The following IFT88 variants were observed in gnomAD, a reference collection of about 807,000 sequenced individuals.
IFT88 encodes intraflagellar transport protein 88 homolog.
In IFT88, 74 loss-of-function variants were observed where a neutral mutation model predicts 119.5. That is an observed-to-expected ratio of 0.62 (90% CI 0.51 to 0.75). The LOEUF (loss-of-function observed/expected upper bound fraction) is 0.75, where lower values mean the gene tolerates loss of function less well. IFT88 is among the 30% of genes least tolerant of loss of function. IFT88 has a pLI of 0.00. For missense variants in IFT88, 961 were observed against 977.7 expected (o/e 0.98, Z 0.23); for synonymous variants, 279 against 316.7 (o/e 0.88, Z 1.26).
intron 14 of IFT88, among the ~76,000 whole-genome samples, chr13:20,623,558 T>A (rs2046853500): frequency 6.6e-6 from 1 of 152,146 alleles, no homozygotes; most frequent in Non-Finnish European, 1.5e-5. Context: ...CACTGCAAGC[T>A]CCGCCTCCCG....
chr13:20,660,434 A>G (rs2053596763), intron 22 of IFT88, among the ~76,000 whole-genome samples: 1 of 152,222 alleles, frequency 6.6e-6, no homozygotes, highest in South Asian at 2.1e-4. Context: ...GAAGAATAAT[A>G]CAATTTGACA....
intron 11 of IFT88, among the ~76,000 whole-genome samples, chr13:20,601,223 C>T (rs571815868): frequency 1.5e-4 from 23 of 152,070 alleles, no homozygotes; most frequent in African/African-American, 4.6e-4. Flanking sequence ...AAAATTAGCC[C>T]GGCGTGGTGG....
chr13:20,590,489 C>T (rs907939682), intron 4 of IFT88, among the ~76,000 whole-genome samples: 2 of 152,076 alleles, frequency 1.3e-5, no homozygotes. Context: ...TTATAATGTT[C>T]CTTTATATGA....
At chr13:20,597,615 G>A (rs1036499434) in intron 9 of IFT88, among the ~76,000 whole-genome samples, 9 of 151,772 alleles carry the variant, frequency 5.9e-5, no homozygotes, top group Admixed American at 2.0e-4. Context: ...GTGGTGGCGG[G>A]CGCCTGTAGT....
chr13:20,648,788 A>T (rs915919108), intron 20 of IFT88, among the ~76,000 whole-genome samples: 1 of 152,214 alleles, frequency 6.6e-6, no homozygotes, highest in Non-Finnish European at 1.5e-5. Flanking sequence ...TGCACTTTAG[A>T]TACAAGGACA....
intron 2 of IFT88, among the ~76,000 whole-genome samples, chr13:20,580,831 T>C (rs2038474282): frequency 6.7e-6 from 1 of 150,326 alleles, no homozygotes; most frequent in Non-Finnish European, 1.5e-5. Flanking sequence ...GTTCATGCCA[T>C]TCTCCTGCCT....
chr13:20,668,942 A>G (rs571113194), intron 23 of IFT88, among the ~76,000 whole-genome samples: 1 of 152,338 alleles, frequency 6.6e-6, no homozygotes, highest in Middle Eastern at 3.4e-3. Flanking sequence ...TGCATGGGGC[A>G]CACGGGAGGA....
chr13:20,659,002 C>A (rs1422612024), intron 22 of IFT88, among the ~76,000 whole-genome samples: 1 of 152,140 alleles, frequency 6.6e-6, no homozygotes, highest in Non-Finnish European at 1.5e-5. Flanking sequence ...AATAGTCTAC[C>A]TTAACTGTAG....
chr13:20,634,909 A>G (rs1368971334), intron 16 of IFT88, among the ~76,000 whole-genome samples: 1 of 150,344 alleles, frequency 6.7e-6, no homozygotes, highest in African/African-American at 2.4e-5. Context: ...TTAACTCTTC[A>G]TTTAACATTA....
At chr13:20,599,308 CTG>C (rs2042237826) in intron 10 of IFT88, 141 bp from the exon 11 acceptor site, 1 of 485,514 alleles carries the variant, frequency 2.1e-6, no homozygotes, top group Non-Finnish European at 3.6e-6. Context: ...AAAAGTATAA[CTG>C]TTTTAAAGTT....
At chr13:20,600,223 C>G (rs942868232) in intron 11 of IFT88, among the ~76,000 whole-genome samples, 1 of 151,960 alleles carries the variant, frequency 6.6e-6, no homozygotes, top group African/African-American at 2.4e-5. Context: ...TTACAGAACA[C>G]AATGCCCTTG....
chr13:20,685,250 G>A (rs1172364063), intron 24 of IFT88, among the ~76,000 whole-genome samples: 1 of 152,154 alleles, frequency 6.6e-6, no homozygotes, highest in African/African-American at 2.4e-5. Flanking sequence ...CCGCTCCCGG[G>A]GGTGGGGGGG....
chr13:20,650,659 A>G (rs999953872), intron 20 of IFT88, among the ~76,000 whole-genome samples: 5 of 152,306 alleles, frequency 3.3e-5, no homozygotes, highest in Admixed American at 6.5e-5. Flanking sequence ...ATGGGAAGAG[A>G]TGAAGTAAAA....
chr13:20,672,117 A>G (rs893226924), intron 24 of IFT88, among the ~76,000 whole-genome samples: 1 of 152,136 alleles, frequency 6.6e-6, no homozygotes. Flanking sequence ...AAACTTTCCT[A>G]GGGATAGAAA....
chr13:20,645,795 A>G (rs946199851), intron 20 of IFT88, among the ~76,000 whole-genome samples: 4 of 152,344 alleles, frequency 2.6e-5, no homozygotes, highest in Non-Finnish European at 1.5e-5. Flanking sequence ...AATGCCCCTT[A>G]GAATAATTTG....
intron 24 of IFT88, among the ~76,000 whole-genome samples, chr13:20,688,826 A>G (rs1384819199): frequency 1.3e-5 from 2 of 152,180 alleles, no homozygotes; most frequent in African/African-American, 4.8e-5. Context: ...TTCAGGGCTC[A>G]AGTGATCCTC....
chr13:20,647,095 A>G (rs1015815612), intron 20 of IFT88, among the ~76,000 whole-genome samples: 3 of 152,124 alleles, frequency 2.0e-5, no homozygotes, highest in African/African-American at 7.2e-5. Context: ...TATGTATTTT[A>G]TGCCTCGGTT....
At chr13:20,591,468 C>A in intron 5 of IFT88, 150 bp from the exon 6 acceptor site, 1 of 517,832 alleles carries the variant, frequency 1.9e-6, no homozygotes. Flanking sequence ...ATGATTGATA[C>A]ATGAGGAGGT....
In IFT88 at chr13:20,643,566, T is replaced by G; in HGVS notation, c.1794T>G (p.Arg598=). The change falls in exon 19 of 26, where the codon CGT becomes CGG. Residue 598 remains arginine, a synonymous_variant. Coordinates refer to ENST00000351808, the MANE Select transcript of IFT88 (RefSeq NM_006531.5). ...CTAAGCTAGGAGAATTATATGATCG[T>G]GAAGGAGATAAATCTCAAGCATTTC... ...VLSKLGELYD[R]EGDKSQAFQY... is the part of the protein sequence containing the mutation. The G allele has an allele frequency of 6.2e-7, 1 of 1,609,824 alleles. No individual in the cohort carries two copies. Among genetic ancestry groups the G allele is most frequent in the East Asian group, 2.2e-5 (1 of 44,846 alleles).
Sources: gnomAD v4.1 joint callset for allele counts (sites outside exome capture counted in the v4.1 genomes callset) on GRCh38, gnomAD v4.1.1 for gene constraint, MANE v1.5 for transcripts, NCBI Gene and HGNC (gene_info 2026-07-23, HGNC 2026-07-21) for gene names.